SLC7A10: variants seen among roughly 807,000 people sequenced by gnomAD.
SLC7A10 encodes the protein solute carrier family 7 member 10.
A neutral mutation model predicts 52.7 loss-of-function variants in SLC7A10; 30 were observed. The ratio of observed to expected loss-of-function variants is 0.57; its 90% confidence interval spans 0.43 to 0.77. The LOEUF is 0.77. Ranked by LOEUF, SLC7A10 falls within the 30% of genes least tolerant of loss-of-function variation. The probability of loss-of-function intolerance (pLI) is 0.00; values close to 1 mark genes in which losing one functional copy is unlikely to be tolerated. For synonymous variants in SLC7A10, 318 were observed against 314.9 expected, an observed-to-expected ratio of 1.01 and a Z score of -0.10; for missense variants, 581 against 698.5, an observed-to-expected ratio of 0.83 and a Z score of 1.90.
intron 5 of SLC7A10, 29 bp from the exon 6 acceptor site, chr19:33,211,566 G>A (rs370961084): frequency 9.7e-5 from 156 of 1,613,690 alleles, no homozygotes; most frequent in Non-Finnish European, 1.2e-4. Context: ...GTGCGTCAGC[G>A]TCAGCTCCTG....
At chr19:33,219,166 C>T (rs1259786883) in intron 1 of SLC7A10, among the ~76,000 whole-genome samples, 4 of 152,224 alleles carry the variant, frequency 2.6e-5, no homozygotes, top group Non-Finnish European at 4.4e-5. Flanking sequence ...GCCAGAGCTC[C>T]GGGCAGGTAG....
At position 33,209,435 on chromosome 19, in the gene SLC7A10, C is replaced by G. The variant is rs758475800; in HGVS notation, c.1314G>C (p.Leu438=). ...TAGGCTCTGAGATGAAGCTGAAGACCAGCAGGAAGGCCCAGAAGACCAAGT... is the reference window on the plus strand; with the variant it reads ...TAGGCTCTGAGATGAAGCTGAAGACGAGCAGGAAGGCCCAGAAGACCAAGT... ...VAYLVFWAFL[L]VFSFISEPMV... is the part of the protein sequence containing the mutation. The change falls in exon 10 of 11, where the codon CTG becomes CTC. Residue 438 remains leucine (L), a synonymous_variant. Coordinates refer to ENST00000253188, the MANE Select transcript of SLC7A10 (RefSeq NM_019849.3). The G allele has an allele frequency of 3.7e-6, 6 of 1,614,048 alleles. No individual in the cohort carries two copies. The South Asian group carries it at 4.4e-5, about 12-fold the overall frequency.
At chr19:33,215,641 CTT>C in intron 2 of SLC7A10, 126 bp downstream of exon 2, 1 of 988,924 alleles carries the variant, frequency 1.0e-6, no homozygotes. Context: ...CCCCCCACAC[CTT>C]CTCTCCATCC....
chr19:33,208,762 C>T lies in SLC7A10; in HGVS notation c.*129G>A. ...GTCCACATTTTAGGGCTTCCTTAAA[C>T]AGGCTTCTGAGAGTCGTATCTTTTT... On this transcript the variant is annotated 3_prime_UTR_variant, in exon 11 of 11. Coordinates refer to ENST00000253188, the MANE Select transcript of SLC7A10 (RefSeq NM_019849.3). The surrounding 1 kb of genome is among the most constrained non-coding windows in gnomAD (Gnocchi z 4.7). 3 of 1,184,168 alleles carry T rather than the reference C, an allele frequency of 2.5e-6. No homozygotes were observed. The highest frequency in any genetic ancestry group is 1.4e-5 in the South Asian group (1 of 73,764). The allele number at this position is 1,184,168 out of a possible 1,614,324, so 73.4% of individuals were successfully genotyped here. A position where few individuals can be genotyped will look rare whatever the true frequency, so the allele number is the denominator to read the frequency against.
intron 1 of SLC7A10, among the ~76,000 whole-genome samples, chr19:33,224,389 G>A (rs1174993705): frequency 2.0e-5 from 3 of 152,134 alleles, no homozygotes; most frequent in African/African-American, 7.2e-5. Context: ...TCTAAGGGGA[G>A]GGGGTGAGAT....
intron 10 of SLC7A10, 23 bp downstream of exon 10, chr19:33,209,285 T>A: frequency 6.2e-7 from 1 of 1,613,242 alleles, no homozygotes; most frequent in Admixed American, 1.7e-5. Context: ...CTGTGCTGGG[T>A]GACCTGCAGC....
chr19:33,218,606 A>G (rs1325728693), intron 1 of SLC7A10, among the ~76,000 whole-genome samples: 5 of 149,758 alleles, frequency 3.3e-5, no homozygotes, highest in African/African-American at 4.9e-5. Flanking sequence ...GTGGACAGGG[A>G]TGGGGGCCTC....
rs758487311 is a variant in SLC7A10 at position 33,210,790 on chromosome 19, C to T, written c.1113+12G>A. 3 of 1,613,012 alleles carry T rather than the reference C, an allele frequency of 1.9e-6. No individual in the cohort carries two copies. Among genetic ancestry groups the T allele is most frequent in the Non-Finnish European group, 2.5e-6 (3 of 1,179,792 alleles). On this transcript the variant is annotated intron_variant, in intron 8 of 10. Transcript: ENST00000253188. This position sits in a 1 kb window ranked among gnomAD's most constrained non-coding sequence, Gnocchi z 5.6. ...CCTCCACGCCCTGCCTGGCCCAGGT[C>T]CCCCAACTTACACAGACGAGGAGGG... is the stretch of plus-strand genomic sequence containing the variant.
chr19:33,223,943 T>TCACCAC lies in SLC7A10; in HGVS notation c.151+1604_151+1609dup, dbSNP rs80120440. 2.6e-3 allele frequency among the ~76,000 whole-genome samples: 387 copies of TCACCAC among 147,200 alleles called. 1 individual carries two copies. The highest frequency in any genetic ancestry group is 7.9e-3 in the African/African-American group (313 of 39,528). ...ACTCCCACCACCACCACCTCTACCATCACCACCACCACCACCACCACCACC... is the reference window on the plus strand; with the variant it reads ...ACTCCCACCACCACCACCTCTACCATCACCACCACCACCACCACCACCACCACCACC... On this transcript the variant is annotated intron_variant, in intron 1 of 10. Transcript: ENST00000253188.
intron 1 of SLC7A10, among the ~76,000 whole-genome samples, chr19:33,217,095 T>C (rs954981923): frequency 2.0e-5 from 3 of 151,870 alleles, no homozygotes; most frequent in Admixed American, 2.0e-4. Context: ...TAGGCTGGTC[T>C]CCAACTCCTG....
At chr19:33,224,161 G>A (rs1385438633) in intron 1 of SLC7A10, among the ~76,000 whole-genome samples, 1 of 152,156 alleles carries the variant, frequency 6.6e-6, no homozygotes, top group Non-Finnish European at 1.5e-5. Flanking sequence ...CTGGTTCTAG[G>A]CATGGTCTCA....
intron 1 of SLC7A10, among the ~76,000 whole-genome samples, chr19:33,222,781 T>C (rs1974839918): frequency 6.6e-6 from 1 of 151,908 alleles, no homozygotes; most frequent in South Asian, 2.1e-4. Context: ...TTCCCTTCCA[T>C]CTGTGCTTGC....
At position 33,215,867 on chromosome 19, in the gene SLC7A10, C is replaced by A. The variant is rs143186337; in HGVS notation, c.258G>T (p.Thr86=). The A allele has an allele frequency of 6.2e-7, 1 of 1,606,730 alleles. No homozygotes were observed. Among genetic ancestry groups the A allele is most frequent in the South Asian group, 1.1e-5 (1 of 89,414 alleles). Residue 86 remains threonine, a synonymous_variant, in exon 2 of 11, where the codon ACG becomes ACT. Coordinates refer to ENST00000253188, the MANE Select transcript of SLC7A10 (RefSeq NM_019849.3). The stretch of plus-strand genomic sequence containing the variant: ...CTGCATAGCAGAGGGAGCCCAGAGC[C>A]GTCACGCCCCCACCCAGGACCCAGA... ...LFVWVLGGGV[T]ALGSLCYAEL... is the part of the protein sequence containing the mutation.
At chr19:33,213,510 G>C (rs1340467215) in intron 2 of SLC7A10, among the ~76,000 whole-genome samples, 1 of 152,120 alleles carries the variant, frequency 6.6e-6, no homozygotes, top group African/African-American at 2.4e-5. Context: ...GGATGGTCTT[G>C]ATCTCCTGAC....
At chr19:33,216,224 C>G (rs1042856914) in intron 1 of SLC7A10, among the ~76,000 whole-genome samples, 1 of 152,214 alleles carries the variant, frequency 6.6e-6, no homozygotes, top group African/African-American at 2.4e-5. Context: ...GCTGGCCAGG[C>G]CCCTCTGCCA....
intron 1 of SLC7A10, among the ~76,000 whole-genome samples, chr19:33,221,864 T>G (rs1974817591): frequency 6.6e-6 from 1 of 152,150 alleles, no homozygotes; most frequent in African/African-American, 2.4e-5. Context: ...GATCTGGGTG[T>G]GTTCCTTGGG....
rs1456413678 is a variant in SLC7A10 at position 33,225,725 on chromosome 19, C to G, written c.-22G>C. On this transcript the variant is annotated 5_prime_UTR_variant, in exon 1 of 11. Coordinates refer to ENST00000253188, the MANE Select transcript of SLC7A10 (RefSeq NM_019849.3). ...CCATGTCGCTGTCCCGCCGCGTCCC[C>G]GCTCCCTGCGCTGCCCCGTCTGTCC... 5 of 1,494,226 alleles carry G rather than the reference C, an allele frequency of 3.3e-6. No homozygotes were observed. The highest frequency in any genetic ancestry group is 3.5e-6 in the Non-Finnish European group (4 of 1,130,222). 92.6% of individuals were successfully genotyped at this position (1,494,226 alleles called of 1,614,324 possible).
chr19:33,220,884 C>T (rs1974798830), intron 1 of SLC7A10: 1 of 152,310 alleles, frequency 6.6e-6, no homozygotes, highest in South Asian at 2.1e-4. Context: ...TCTATTCCAT[C>T]ACAAATCCTT....
At chr19:33,216,517 T>C (rs373733750) in intron 1 of SLC7A10, among the ~76,000 whole-genome samples, 1 of 152,198 alleles carries the variant, frequency 6.6e-6, no homozygotes, top group East Asian at 1.9e-4. Flanking sequence ...ACTCATGGAG[T>C]GGCTCAGGAA....
Sources: gnomAD v4.1 joint callset for allele counts (sites outside exome capture counted in the v4.1 genomes callset) on GRCh38, gnomAD v4.1.1 for gene constraint, Gnocchi (gnomAD v3.1) non-coding constraint, MANE v1.5 for transcripts, NCBI Gene and HGNC (gene_info 2026-07-23, HGNC 2026-07-21) for gene names.